The following SUMF1 variants were observed in gnomAD, a reference collection of about 807,000 sequenced individuals.
The protein encoded by SUMF1 is formylglycine-generating enzyme.
In SUMF1, 48 loss-of-function variants were observed where a neutral mutation model predicts 47.6. The observed-to-expected ratio is 1.01, with a 90% CI of 0.80 to 1.28. The LOEUF is 1.28. SUMF1 is among the 50% of genes most tolerant of loss of function. SUMF1 has a pLI of 0.00. For synonymous variants in SUMF1, 230 were observed against 192.1 expected (o/e 1.20, Z -1.63); for missense variants, 571 against 485.4 (o/e 1.18, Z -1.66).
At chr3:4,270,445 C>T (rs1348327107) in intron 8 of SUMF1, among the ~76,000 whole-genome samples, 1 of 152,040 alleles carries the variant, frequency 6.6e-6, no homozygotes, top group African/African-American at 2.4e-5. Context: ...TACACGCACA[C>T]ACACACCACC....
Position 4,145,191 on chromosome 3 carries a change from T to TAAAAAAAAAAAA in SUMF1, c.1015-76458_1015-76447dup, listed in dbSNP as rs35699553. On this transcript the variant is annotated intron_variant and NMD_transcript_variant, in intron 8 of 12. Coordinates refer to the SUMF1 transcript ENST00000448413. ...CTGGGCAACAGAGTGAAACTCCGTC[T>TAAAAAAAAAAAA]AAAAAAAAAAAAAAAAAAAAAAGCC... Among the ~76,000 whole-genome samples the TAAAAAAAAAAAA allele has an allele frequency of 2.2e-5, 2 of 90,510 alleles. 1 individual carries two copies. The highest frequency in any genetic ancestry group is 4.2e-5 in the Non-Finnish European group (2 of 47,178). The allele number at this position is 90,510 out of a possible 152,430, so 59.4% of individuals were successfully genotyped here.
chr3:4,208,135 T>C (rs1251565285), intron 8 of SUMF1, among the ~76,000 whole-genome samples: 1 of 152,120 alleles, frequency 6.6e-6, no homozygotes, highest in Non-Finnish European at 1.5e-5. Flanking sequence ...TAGCCTAAAT[T>C]GCTGGGGTTT....
At chr3:4,358,886 A>T (rs1339543790), downstream of SUMF1, among the ~76,000 whole-genome samples, 1 of 152,212 alleles carries the variant, frequency 6.6e-6, no homozygotes, top group Non-Finnish European at 1.5e-5. Flanking sequence ...GTGCCTCAAA[A>T]CTTAAGGCTG....
intron 8 of SUMF1, among the ~76,000 whole-genome samples, chr3:4,155,313 C>A (rs1574933851): frequency 6.6e-6 from 1 of 151,506 alleles, no homozygotes; most frequent in Admixed American, 6.6e-5. Context: ...GACACTCTTT[C>A]CATGTTTGAG....
intron 8 of SUMF1, among the ~76,000 whole-genome samples, chr3:4,209,062 T>C (rs1297583158): frequency 2.0e-5 from 3 of 152,162 alleles, no homozygotes; most frequent in Non-Finnish European, 4.4e-5. Context: ...AGAATCAGTA[T>C]GATTTCTTCC....
At chr3:4,111,838 C>CA (rs1237684177) in intron 8 of SUMF1, among the ~76,000 whole-genome samples, 7 of 151,512 alleles carry the variant, frequency 4.6e-5, no homozygotes, top group African/African-American at 1.5e-4. Context: ...TGGAAAATGG[C>CA]AAAAAAAATT....
At chr3:4,420,692 G>A (rs935949695) in intron 3 of SUMF1, among the ~76,000 whole-genome samples, 3 of 152,000 alleles carry the variant, frequency 2.0e-5, no homozygotes, top group Non-Finnish European at 2.9e-5. Flanking sequence ...CACCACACCC[G>A]GCCTCTGTAA....
chr3:4,148,442 C>T (rs546012306), intron 8 of SUMF1, among the ~76,000 whole-genome samples: 1 of 152,114 alleles, frequency 6.6e-6, no homozygotes. Flanking sequence ...CTCAGAATCA[C>T]CTAGAAAACT....
intron 9 of SUMF1, among the ~76,000 whole-genome samples, chr3:4,055,540 T>C (rs1455231096): frequency 6.6e-6 from 1 of 152,132 alleles, no homozygotes; most frequent in Non-Finnish European, 1.5e-5. Context: ...TGGAGTACAA[T>C]AGAGTGATCA....
At chr3:4,045,329 G>A (rs752256445) in intron 9 of SUMF1, among the ~76,000 whole-genome samples, 20 of 151,670 alleles carry the variant, frequency 1.3e-4, no homozygotes, top group East Asian at 3.9e-4. Context: ...ATTACCTAGC[G>A]GCCCCCAGTT....
In SUMF1 at chr3:4,203,718, G is replaced by C. The variant is rs1031990776; in HGVS notation, c.1015-134973C>G. 3.3e-5 allele frequency among the ~76,000 whole-genome samples: 5 copies of C among 151,484 alleles called. No homozygotes were observed. In the East Asian group the frequency reaches 9.7e-4, roughly 29 times the overall value. ...TGTGGAAGTGGTTTTCTCTGGTCAT[G>C]TATTTTAATTTCTCTTTTCATTTTT... On this transcript the variant is annotated intron_variant and NMD_transcript_variant, in intron 8 of 12. Transcript: ENST00000448413.
At chr3:4,212,733 G>T (rs997579742) in intron 8 of SUMF1, among the ~76,000 whole-genome samples, 8 of 152,110 alleles carry the variant, frequency 5.3e-5, no homozygotes, top group African/African-American at 2.4e-5. Context: ...TAATGGAGCT[G>T]AAAAACACAG....
chr3:4,150,651 C>T (rs1182537505), intron 8 of SUMF1, among the ~76,000 whole-genome samples: 2 of 151,496 alleles, frequency 1.3e-5, no homozygotes, highest in African/African-American at 4.9e-5. Context: ...TCCTAAAGTG[C>T]TGTAATTATA....
In SUMF1 at chr3:4,386,286, A is replaced by G. The variant is rs184318419; in HGVS notation, c.955-9897T>C. ...CTTCATTTATTCAGATATTTCTTTC[A>G]TTAGTGTTGCATAGCTTTTAGCACA... is the stretch of plus-strand genomic sequence containing the variant. On this transcript the variant is annotated intron_variant, in intron 7 of 8. Transcript: ENST00000272902. Among the ~76,000 whole-genome samples, 366 of 152,296 alleles carry G rather than the reference A, an allele frequency of 2.4e-3. 1 individual carries two copies. The highest frequency in any genetic ancestry group is 0.02 in the Middle Eastern group (6 of 294).
chr3:4,389,555 T>G (rs966926204), intron 7 of SUMF1, among the ~76,000 whole-genome samples: 3 of 152,368 alleles, frequency 2.0e-5, no homozygotes, highest in Non-Finnish European at 1.5e-5. Context: ...CTTCTCATGC[T>G]GTCTTCTTTG....
At chr3:4,197,264 G>A (rs568085696) in intron 8 of SUMF1, among the ~76,000 whole-genome samples, 4 of 152,144 alleles carry the variant, frequency 2.6e-5, no homozygotes, top group Admixed American at 6.6e-5. Context: ...ACAAATGCAC[G>A]CCACCATGCC....
At chr3:4,204,006 G>C (rs1306472903) in intron 8 of SUMF1, among the ~76,000 whole-genome samples, 1 of 152,074 alleles carries the variant, frequency 6.6e-6, no homozygotes, top group East Asian at 1.9e-4. Flanking sequence ...CAAGACATAA[G>C]TAGTTTATAT....
rs532918068 is a variant in SUMF1, at chr3:4,420,482, C to T, written c.520-336G>A. On this transcript the variant is annotated intron_variant, in intron 3 of 8. Transcript: ENST00000272902. ...TGCAATCTTGGCTCACTGCAACCTC[C>T]GCCTCCCAGGTTCAACCGATTCTCC... Among the ~76,000 whole-genome samples, 209 of 150,848 alleles carry T rather than the reference C, an allele frequency of 1.4e-3. 1 individual carries two copies. Among genetic ancestry groups the T allele is most frequent in the Non-Finnish European group, 2.1e-3 (141 of 67,822 alleles).
chr3:4,239,704 T>C (rs1358124837), intron 8 of SUMF1, among the ~76,000 whole-genome samples: 2 of 152,212 alleles, frequency 1.3e-5, no homozygotes, highest in Non-Finnish European at 2.9e-5. Flanking sequence ...TATACAATCA[T>C]ATCATCTGCA....
Sources: gnomAD v4.1 joint callset for allele counts (sites outside exome capture counted in the v4.1 genomes callset) on GRCh38, gnomAD v4.1.1 for gene constraint, MANE v1.5 for transcripts, NCBI Gene and HGNC (gene_info 2026-07-23, HGNC 2026-07-21) for gene names.